KIAA1549L: variants seen among roughly 807,000 people sequenced by gnomAD.
KIAA1549L encodes UPF0606 protein KIAA1549L.
A neutral mutation model predicts 160.7 loss-of-function variants in KIAA1549L; 88 were observed. The observed-to-expected ratio is 0.55, with a 90% confidence interval of 0.46 to 0.65. The LOEUF is 0.65. Ranked by LOEUF, KIAA1549L falls within the 30% of genes least tolerant of loss-of-function variation. The pLI is 0.00. For missense variants in KIAA1549L, 2,258 were observed against 2,437.5 expected (o/e 0.93, Z 1.55); for synonymous variants, 950 against 976.7 (o/e 0.97, Z 0.51).
At chr11:33,565,705 CTT>C (rs769888532) in intron 8 of KIAA1549L, among the ~76,000 whole-genome samples, 1 of 131,602 alleles carries the variant, frequency 7.6e-6, no homozygotes. Context: ...TCCGTGGAGG[CTT>C]TTTTTTTTTT....
chr11:33,385,451 T>C (rs764835348), intron 1 of KIAA1549L, among the ~76,000 whole-genome samples: 3 of 152,212 alleles, frequency 2.0e-5, no homozygotes, highest in Non-Finnish European at 4.4e-5. Context: ...TGTCAGTAAC[T>C]CCCCTCACTC....
At chr11:33,602,064 A>G (rs1850380585) in intron 13 of KIAA1549L, among the ~76,000 whole-genome samples, 1 of 152,362 alleles carries the variant, frequency 6.6e-6, no homozygotes, top group African/African-American at 2.4e-5. Flanking sequence ...ATTTTTGAAA[A>G]TAATACATAT....
chr11:33,568,587 T>C (rs1054209302), intron 9 of KIAA1549L, among the ~76,000 whole-genome samples: 1 of 152,210 alleles, frequency 6.6e-6, no homozygotes, highest in Non-Finnish European at 1.5e-5. Flanking sequence ...CAGCTCTCTG[T>C]CCTTTTAGAC....
At chr11:33,462,331 C>A (rs1851957815) in intron 1 of KIAA1549L, among the ~76,000 whole-genome samples, 1 of 152,144 alleles carries the variant, frequency 6.6e-6, no homozygotes, top group African/African-American at 2.4e-5. Context: ...GGAAAATGGT[C>A]TTCATTAGGC....
chr11:33,448,640 C>G lies in KIAA1549L; in HGVS notation c.238+71751C>G, dbSNP rs558532022. On this transcript the variant is annotated intron_variant, in intron 1 of 20. Coordinates refer to ENST00000658780, the MANE Select transcript of KIAA1549L (RefSeq NM_012194.3). ...TTGAGGTCTTTTGGTTATGATATTC[C>G]CAGTGTTCTTCCTCAGTGCGGGAAC... Among the ~76,000 whole-genome samples the G allele has an allele frequency of 1.5e-3, 224 of 152,246 alleles. 2 individuals carry two copies. Among genetic ancestry groups the G allele is most frequent in the African/African-American group, 5.1e-3 (213 of 41,530 alleles).
chr11:33,550,980 G>T (rs1854439858), intron 4 of KIAA1549L, 60 bp from the exon 5 acceptor site: 1 of 1,389,440 alleles, frequency 7.2e-7, no homozygotes, highest in Non-Finnish European at 1.0e-6. Context: ...GAAATACCAG[G>T]AAGAACTTAA....
At chr11:33,637,980 C>T (rs1851480361) in intron 16 of KIAA1549L, among the ~76,000 whole-genome samples, 1 of 152,188 alleles carries the variant, frequency 6.6e-6, no homozygotes, top group Non-Finnish European at 1.5e-5. Context: ...TCTGGGCTTT[C>T]CTACAACCAT....
intron 1 of KIAA1549L, among the ~76,000 whole-genome samples, chr11:33,494,329 A>G (rs1852764642): frequency 6.6e-6 from 1 of 152,242 alleles, no homozygotes; most frequent in African/African-American, 2.4e-5. Context: ...TGGAAAAGCC[A>G]AATCCACTCA....
intron 3 of KIAA1549L, among the ~76,000 whole-genome samples, chr11:33,547,521 A>G (rs1475806469): frequency 6.6e-6 from 1 of 152,172 alleles, no homozygotes; most frequent in Admixed American, 6.5e-5. Flanking sequence ...GTCAGAAATG[A>G]AACGCCACCA....
rs551959429 is a variant in KIAA1549L, at chr11:33,537,447, G to A, written c.239-4355G>A. ...CATTTGCAGATGGAAGGTAGAAAAG[G>A]AGGGAGGGAAGAAAGGAAGGAAGGA... On this transcript the variant is annotated intron_variant, in intron 1 of 20. Coordinates refer to ENST00000658780, the MANE Select transcript of KIAA1549L (RefSeq NM_012194.3). Among the ~76,000 whole-genome samples, 255 of 152,294 alleles carry A rather than the reference G, an allele frequency of 1.7e-3. 2 individuals are homozygous for A. Among genetic ancestry groups the A allele is most frequent in the African/African-American group, 6.0e-3 (249 of 41,558 alleles).
chr11:33,432,465 A>C (rs1177787654), intron 1 of KIAA1549L, among the ~76,000 whole-genome samples: 1 of 152,126 alleles, frequency 6.6e-6, no homozygotes, highest in Non-Finnish European at 1.5e-5. Flanking sequence ...AATTTGTTTA[A>C]GTTCTTTGTA....
At chr11:33,513,089 C>A (rs149810835) in intron 1 of KIAA1549L, among the ~76,000 whole-genome samples, 3 of 152,250 alleles carry the variant, frequency 2.0e-5, no homozygotes, top group African/African-American at 7.2e-5. Flanking sequence ...GTGCCTTCTC[C>A]CAGGCACTCT....
At chr11:33,665,389 T>A (rs1443220557) in intron 20 of KIAA1549L, 1 of 151,978 alleles carries the variant, frequency 6.6e-6, no homozygotes. Flanking sequence ...TGTCTGCTGC[T>A]CTCAGCAGAG....
intron 1 of KIAA1549L, among the ~76,000 whole-genome samples, chr11:33,464,335 T>G (rs761781752): frequency 6.6e-5 from 10 of 152,220 alleles, no homozygotes; most frequent in African/African-American, 2.4e-4. Flanking sequence ...GGTTGCTCTG[T>G]GTCAGGTCCT....
chr11:33,443,187 A>G (rs938201248), intron 1 of KIAA1549L, among the ~76,000 whole-genome samples: 1 of 152,076 alleles, frequency 6.6e-6, no homozygotes, highest in Non-Finnish European at 1.5e-5. Flanking sequence ...TTTTAAAGAG[A>G]CAGGGTCTTG....
rs764952217 is a variant in KIAA1549L at position 33,547,825 on chromosome 11, A to G, written c.3447A>G (p.Lys1149=). The change falls in exon 4 of 21, where the codon AAA becomes AAG. Residue 1149 remains lysine (K), a synonymous_variant. Transcript: ENST00000658780. The stretch of plus-strand genomic sequence containing the variant: ...AATCCTTGAAGTTCAGTATCGCCAA[A>G]GGGCTCACACAGGCATTGCGGAAGG... ...ISESLKFSIA[K]GLTQALRKAF... is the part of the protein sequence containing the mutation. The G allele has an allele frequency of 1.9e-6, 3 of 1,613,738 alleles. No homozygotes were observed. The highest frequency in any genetic ancestry group is 1.7e-5 in the Admixed American group (1 of 59,994).
intron 1 of KIAA1549L, among the ~76,000 whole-genome samples, chr11:33,511,919 T>C (rs987165496): frequency 2.3e-4 from 35 of 152,358 alleles, no homozygotes; most frequent in African/African-American, 7.9e-4. Flanking sequence ...CAGCTCTGCC[T>C]AGCACATTAT....
At chr11:33,594,997 T>C (rs1003877696) in intron 12 of KIAA1549L, among the ~76,000 whole-genome samples, 1 of 152,238 alleles carries the variant, frequency 6.6e-6, no homozygotes, top group African/African-American at 2.4e-5. Context: ...ATGAACATAG[T>C]ACTTTCAGGA....
intron 1 of KIAA1549L, among the ~76,000 whole-genome samples, chr11:33,511,259 G>A (rs1428804347): frequency 6.6e-6 from 1 of 152,120 alleles, no homozygotes; most frequent in East Asian, 1.9e-4. Context: ...TGTCTCTAGA[G>A]GCTGTTTCTT....
Sources: gnomAD v4.1 joint callset for allele counts (sites outside exome capture counted in the v4.1 genomes callset) on GRCh38, gnomAD v4.1.1 for gene constraint, MANE v1.5 for transcripts, NCBI Gene and HGNC (gene_info 2026-07-23, HGNC 2026-07-21) for gene names.